Variants in RIMOC1 observed in about 807,000 individuals in gnomAD.
The protein encoded by RIMOC1 is RAB7A interacting MON1-CCZ1 complex subunit 1.
chr5:41,904,621 G>A, the RIMOC1 span, among the ~76,000 whole-genome samples: 1 of 152,090 alleles, frequency 6.6e-6, no homozygotes, highest in Admixed American at 6.6e-5. Flanking sequence ...GCCCCTCTGC[G>A]CCATCGATTG....
the RIMOC1 span, among the ~76,000 whole-genome samples, chr5:41,910,532 T>C: frequency 6.6e-6 from 1 of 152,048 alleles, no homozygotes; most frequent in Non-Finnish European, 1.5e-5. Flanking sequence ...TTCTCATCTT[T>C]AACTGCCTGC....
chr5:41,914,092 G>A, the RIMOC1 span, among the ~76,000 whole-genome samples: 1 of 152,134 alleles, frequency 6.6e-6, no homozygotes, highest in African/African-American at 2.4e-5. Flanking sequence ...CAAATCACCT[G>A]TTTTCCTAAT....
chr5:41,915,330 A>G, the RIMOC1 span, among the ~76,000 whole-genome samples: 3 of 152,148 alleles, frequency 2.0e-5, no homozygotes, highest in African/African-American at 7.2e-5. Context: ...CACCCCTACA[A>G]ATCAGAGCTG....
At chr5:41,913,638 A>G in the RIMOC1 span, among the ~76,000 whole-genome samples, 3 of 152,224 alleles carry the variant, frequency 2.0e-5, no homozygotes, top group African/African-American at 7.2e-5. Flanking sequence ...GAATAATTAG[A>G]GTACCTCTTT....
the RIMOC1 span, among the ~76,000 whole-genome samples, chr5:41,908,607 A>C: frequency 3.9e-5 from 6 of 152,102 alleles, no homozygotes; most frequent in African/African-American, 1.4e-4. Flanking sequence ...AACACCATGG[A>C]TGAGTAAGCC....
At chr5:41,904,885 C>G in the RIMOC1 span, among the ~76,000 whole-genome samples, 1 of 152,170 alleles carries the variant, frequency 6.6e-6, no homozygotes, top group African/African-American at 2.4e-5. Context: ...TTCATTGCTG[C>G]GTTGTAATTT....
chr5:41,916,947 TTTAG>T, the RIMOC1 span: 40 of 1,360,424 alleles, frequency 2.9e-5, no homozygotes, highest in Non-Finnish European at 3.6e-5. Flanking sequence ...TTAATTAGAG[TTTAG>T]TTAATAACTA....
chr5:41,917,946 A>G, the RIMOC1 span: 1 of 940,156 alleles, frequency 1.1e-6, no homozygotes, highest in Admixed American at 6.2e-5. Context: ...AAGACAATGC[A>G]TGGCTTTTCA....
chr5:41,912,622 A>C, the RIMOC1 span, among the ~76,000 whole-genome samples: 1 of 152,208 alleles, frequency 6.6e-6, no homozygotes, highest in African/African-American at 2.4e-5. Context: ...GAGACAGAGC[A>C]TGTGTGAGTG....
chr5:41,915,633 A>G, the RIMOC1 span, among the ~76,000 whole-genome samples: 1 of 152,162 alleles, frequency 6.6e-6, no homozygotes, highest in Admixed American at 6.5e-5. Flanking sequence ...AGAGAGAAGG[A>G]GAGAGAAGTG....
At chr5:41,905,619 T>G in the RIMOC1 span, among the ~76,000 whole-genome samples, 1 of 152,250 alleles carries the variant, frequency 6.6e-6, no homozygotes, top group African/African-American at 2.4e-5. Context: ...CCGACTTATA[T>G]TTTGGTCTGT....
At chr5:41,916,996 A>T in the RIMOC1 span, 1 of 1,560,638 alleles carries the variant, frequency 6.4e-7, no homozygotes, top group Admixed American at 1.8e-5. Flanking sequence ...CTAATCTGTC[A>T]ACCTAAATGA....
chr5:41,911,613 C>T, the RIMOC1 span, among the ~76,000 whole-genome samples: 1 of 152,088 alleles, frequency 6.6e-6, no homozygotes, highest in Non-Finnish European at 1.5e-5. Flanking sequence ...GGTATTGTAT[C>T]ACTAAGGATT....
the RIMOC1 span, among the ~76,000 whole-genome samples, chr5:41,914,761 C>A: frequency 1.3e-5 from 2 of 151,994 alleles, no homozygotes; most frequent in African/African-American, 2.4e-5. Context: ...CAGAGTGAGA[C>A]CCTGTCTGAG....
the RIMOC1 span, chr5:41,919,606 C>G: frequency 3.9e-5 from 6 of 152,118 alleles, no homozygotes; most frequent in Admixed American, 6.6e-5. Context: ...TTTAGAGCAT[C>G]CTGATCAATT....
chr5:41,918,018 A>G, the RIMOC1 span: 2 of 985,564 alleles, frequency 2.0e-6, no homozygotes, highest in Non-Finnish European at 2.4e-6. Flanking sequence ...ATGTTTTTGT[A>G]GCACATCTTT....
At chr5:41,908,635 C>T in the RIMOC1 span, among the ~76,000 whole-genome samples, 1 of 152,150 alleles carries the variant, frequency 6.6e-6, no homozygotes, top group Non-Finnish European at 1.5e-5. Flanking sequence ...TACTCACAAA[C>T]CACAGAGAAC....
the RIMOC1 span, among the ~76,000 whole-genome samples, chr5:41,905,193 A>G: frequency 6.6e-6 from 1 of 152,248 alleles, no homozygotes; most frequent in East Asian, 1.9e-4. Flanking sequence ...ACTGACTCAT[A>G]TCATCGGACT....
At chr5:41,918,920 C>A in the RIMOC1 span, 135 of 195,120 alleles carry the variant, frequency 6.9e-4, no homozygotes, top group African/African-American at 3.2e-3. Flanking sequence ...TCTTCGCTGT[C>A]TCTCTCATTT....
Sources: allele counts gnomAD v4.1 joint callset (sites outside exome capture counted in the v4.1 genomes callset), GRCh38; gene constraint gnomAD v4.1.1; transcripts MANE v1.5; gene names NCBI Gene and HGNC (gene_info 2026-07-23, HGNC 2026-07-21).